Variants in EFCAB3 observed in about 807,000 individuals in gnomAD.
EFCAB3 encodes EF-hand calcium binding domain 3.
A neutral mutation model predicts 42.2 loss-of-function variants in EFCAB3; 36 were observed. The observed-to-expected ratio is 0.85, with a 90% CI of 0.65 to 1.13. The LOEUF (loss-of-function observed/expected upper bound fraction) is 1.13. Ranked by LOEUF, EFCAB3 falls within the 50% of genes most tolerant of loss-of-function variation. EFCAB3 has a pLI of 0.00. For synonymous variants in EFCAB3, 170 were observed against 172.8 expected (o/e 0.98, Z 0.13); for missense variants, 418 against 505.1 (o/e 0.83, Z 1.65).
intron 1 of EFCAB3, chr17:62,373,762 G>C (rs1263148179): frequency 1.9e-6 from 2 of 1,058,036 alleles, no homozygotes; most frequent in Non-Finnish European, 2.8e-6. Flanking sequence ...TTTCACAACT[G>C]TTATGAATTT....
intron 6 of EFCAB3, among the ~76,000 whole-genome samples, chr17:62,404,334 CA>C (rs1382693393): frequency 6.6e-6 from 1 of 152,110 alleles, no homozygotes; most frequent in African/African-American, 2.4e-5. Context: ...AAACTCTCTA[CA>C]AAAAACTTAA....
chr17:62,406,032 G>T (rs2070444398), intron 6 of EFCAB3, among the ~76,000 whole-genome samples: 2 of 151,954 alleles, frequency 1.3e-5, no homozygotes, highest in Non-Finnish European at 2.9e-5. Flanking sequence ...CCACTTAAGT[G>T]TTTGTCAAGG....
chr17:62,384,450 A>C (rs2070231158), intron 2 of EFCAB3, among the ~76,000 whole-genome samples: 1 of 152,096 alleles, frequency 6.6e-6, no homozygotes, highest in South Asian at 2.1e-4. Flanking sequence ...AGCCTCTACC[A>C]AAAAAGATAC....
intron 3 of EFCAB3, among the ~76,000 whole-genome samples, chr17:62,391,358 C>T (rs1204806971): frequency 6.6e-6 from 1 of 151,810 alleles, no homozygotes; most frequent in Admixed American, 6.5e-5. Context: ...TTCTCAGCCT[C>T]TTTAGCAAGC....
chr17:62,378,101 T>A, upstream of EFCAB3: 1 of 1,139,792 alleles, frequency 8.8e-7, no homozygotes, highest in Non-Finnish European at 1.2e-6. Flanking sequence ...TTAGTTACTT[T>A]CCCTAATTGT....
chr17:62,403,250 A>G, intron 6 of EFCAB3, among the ~76,000 whole-genome samples: 1 of 152,092 alleles, frequency 6.6e-6, no homozygotes, highest in East Asian at 1.9e-4. Context: ...CTGCTCTCTC[A>G]TTCCCTACAT....
chr17:62,408,644 T>C lies in EFCAB3; in HGVS notation c.867+1432T>C, dbSNP rs916175032. Among the ~76,000 whole-genome samples the C allele has an allele frequency of 4.6e-5, 7 of 152,346 alleles. No individual in the cohort carries two copies. In the South Asian group the frequency reaches 1.2e-3, roughly 27 times the overall value. ...CAAATGCTCAACAGCCATATGTGGC[T>C]AATGGCTACTATACTGGATGACACA... On this transcript the variant is annotated intron_variant, in intron 8 of 9. Coordinates refer to ENST00000305286, the MANE Select transcript of EFCAB3 (RefSeq NM_173503.4).
chr17:62,396,917 T>C (rs970119746), intron 6 of EFCAB3, among the ~76,000 whole-genome samples: 1 of 152,114 alleles, frequency 6.6e-6, no homozygotes, highest in African/African-American at 2.4e-5. Flanking sequence ...TTAAAAAGAA[T>C]ATACATATTA....
At chr17:62,387,860 C>T (rs1298958382) in intron 3 of EFCAB3, among the ~76,000 whole-genome samples, 2 of 152,098 alleles carry the variant, frequency 1.3e-5, no homozygotes, top group African/African-American at 4.8e-5. Context: ...CAAAACAAGT[C>T]AGATGTGGTC....
In EFCAB3 at chr17:62,370,491, C is replaced by A. The variant is rs549036581; in HGVS notation, c.34+169C>A. Among the ~76,000 whole-genome samples, 8 of 152,112 alleles carry A rather than the reference C, an allele frequency of 5.3e-5. 1 individual carries two copies. The South Asian group carries it at 1.7e-3, about 32-fold the overall frequency. On this transcript the variant is annotated intron_variant, in intron 1 of 11. Transcript: ENST00000450662. ...TCAGCACAGTGGAACCTCGTCTTTA[C>A]TAAAACTACAAAAAATTAACTGGGC...
At chr17:62,396,831 A>G (rs1416752496) in intron 6 of EFCAB3, among the ~76,000 whole-genome samples, 2 of 152,110 alleles carry the variant, frequency 1.3e-5, no homozygotes, top group Non-Finnish European at 2.9e-5. Context: ...GTGAGCTGTG[A>G]TTGTGCCACT....
intron 6 of EFCAB3, among the ~76,000 whole-genome samples, chr17:62,405,290 C>T (rs985037829): frequency 6.6e-5 from 10 of 152,200 alleles, no homozygotes; most frequent in African/African-American, 2.4e-4. Context: ...AGACTCTAAT[C>T]AGAGCACCAT....
intron 6 of EFCAB3, among the ~76,000 whole-genome samples, chr17:62,396,242 A>G (rs1463963534): frequency 6.6e-6 from 1 of 152,192 alleles, no homozygotes; most frequent in African/African-American, 2.4e-5. Flanking sequence ...TAGACTAAGC[A>G]TACACATATT....
chr17:62,411,793 A>T (rs1176667793), intron 8 of EFCAB3, among the ~76,000 whole-genome samples: 1 of 141,630 alleles, frequency 7.1e-6, no homozygotes, highest in Non-Finnish European at 1.5e-5. Context: ...AGAAAGAGAG[A>T]AAGAGATGGA....
intron 3 of EFCAB3, 102 bp downstream of exon 3, chr17:62,387,518 A>G: frequency 1.0e-6 from 1 of 956,636 alleles, no homozygotes; most frequent in Non-Finnish European, 1.5e-6. Context: ...TGTCTACACC[A>G]CCATCATTTG....
chr17:62,382,250 T>C (rs546834809), intron 1 of EFCAB3, among the ~76,000 whole-genome samples: 71 of 152,350 alleles, frequency 4.7e-4, no homozygotes, highest in Non-Finnish European at 9.1e-4. Flanking sequence ...TAAAATAGCA[T>C]CTTTAAATAA....
chr17:62,386,433 C>T (rs939085955), intron 2 of EFCAB3, among the ~76,000 whole-genome samples: 15 of 151,374 alleles, frequency 9.9e-5, no homozygotes, highest in African/African-American at 2.7e-4. Context: ...GGTAAAAATA[C>T]AGTTTGACGA....
chr17:62,412,460 A>G (rs2070507581), intron 8 of EFCAB3, among the ~76,000 whole-genome samples: 1 of 151,742 alleles, frequency 6.6e-6, no homozygotes, highest in Admixed American at 6.6e-5. Context: ...ATTTTCCCCA[A>G]GGGTTTTTTG....
chr17:62,378,091 T>C, upstream of EFCAB3: 3 of 1,245,786 alleles, frequency 2.4e-6, no homozygotes, highest in Non-Finnish European at 3.4e-6. Context: ...TTTTAATACC[T>C]TAGTTACTTT....
Sources: gnomAD v4.1 joint callset for allele counts (sites outside exome capture counted in the v4.1 genomes callset) on GRCh38, gnomAD v4.1.1 for gene constraint, MANE v1.5 for transcripts, NCBI Gene and HGNC (gene_info 2026-07-23, HGNC 2026-07-21) for gene names.